The following SLC24A2 variants were observed in gnomAD, a reference collection of about 807,000 sequenced individuals.
SLC24A2 encodes solute carrier family 24 member 2.
In SLC24A2, 36 loss-of-function variants were observed where a neutral mutation model predicts 62.0. The ratio of observed to expected loss-of-function variants is 0.58; its 90% CI spans 0.44 to 0.77. The LOEUF is 0.77. Among genes scored for constraint, SLC24A2 ranks in the 30% least tolerant of loss-of-function variants. The pLI is 0.00. For synonymous variants in SLC24A2, 358 were observed against 294.0 expected, an observed-to-expected ratio of 1.22 and a Z score of -2.23; for missense variants, 846 against 817.9, an observed-to-expected ratio of 1.03 and a Z score of -0.42.
intron 2 of SLC24A2, among the ~76,000 whole-genome samples, chr9:19,654,337 C>A (rs1211182769): frequency 6.6e-6 from 1 of 152,132 alleles, no homozygotes; most frequent in Non-Finnish European, 1.5e-5. Context: ...GGCTGCCTTG[C>A]CCTTCAGCAC....
At chr9:20,097,142 A>T in the SLC24A2 span, among the ~76,000 whole-genome samples, 3 of 152,146 alleles carry the variant, frequency 2.0e-5, no homozygotes, top group Non-Finnish European at 2.9e-5. Flanking sequence ...GATTACAGCT[A>T]TGAGAATTAG....
chr9:19,776,005 G>A (rs1413159009), intron 2 of SLC24A2, among the ~76,000 whole-genome samples: 1 of 152,168 alleles, frequency 6.6e-6, no homozygotes, highest in Non-Finnish European at 1.5e-5. Flanking sequence ...TTAATAGAAT[G>A]AAAAATTTAC....
At chr9:20,106,489 G>C in the SLC24A2 span, among the ~76,000 whole-genome samples, 1 of 152,168 alleles carries the variant, frequency 6.6e-6, no homozygotes, top group African/African-American at 2.4e-5. Flanking sequence ...ACATCAAAAA[G>C]CTTATCTACC....
At chr9:19,755,237 T>C (rs930347651) in intron 2 of SLC24A2, among the ~76,000 whole-genome samples, 9 of 152,198 alleles carry the variant, frequency 5.9e-5, no homozygotes, top group Non-Finnish European at 1.2e-4. Flanking sequence ...CCTTGCCAAG[T>C]ACTTGGTCCC....
the SLC24A2 span, among the ~76,000 whole-genome samples, chr9:20,119,239 G>A: frequency 6.6e-6 from 1 of 152,040 alleles, no homozygotes; most frequent in Non-Finnish European, 1.5e-5. Flanking sequence ...CTGTAGCCTT[G>A]TGAGACTCTA....
At chr9:19,856,889 T>C in the SLC24A2 span, among the ~76,000 whole-genome samples, 1 of 152,236 alleles carries the variant, frequency 6.6e-6, no homozygotes, top group East Asian at 1.9e-4. Context: ...TCTGGACTGC[T>C]TGGCCTCTTC....
At chr9:20,298,815 A>C in the SLC24A2 span, among the ~76,000 whole-genome samples, 1 of 152,234 alleles carries the variant, frequency 6.6e-6, no homozygotes, top group African/African-American at 2.4e-5. Flanking sequence ...GGAGAGAGGT[A>C]AAAAGGTAGT....
At chr9:20,108,952 C>T in the SLC24A2 span, among the ~76,000 whole-genome samples, 5 of 152,164 alleles carry the variant, frequency 3.3e-5, no homozygotes, top group East Asian at 5.8e-4. Flanking sequence ...CATATACTGA[C>T]AGTAGTCACA....
chr9:20,225,551 C>CTTCTA, the SLC24A2 span, among the ~76,000 whole-genome samples: 1 of 57,638 alleles, frequency 1.7e-5, no homozygotes, highest in Admixed American at 1.8e-4. Context: ...ATCTTCTATA[C>CTTCTA]TATATATATT....
At chr9:20,093,809 T>G in the SLC24A2 span, among the ~76,000 whole-genome samples, 1 of 152,130 alleles carries the variant, frequency 6.6e-6, no homozygotes, top group African/African-American at 2.4e-5. Context: ...TTAAAATCAT[T>G]AAAAGTGTAT....
At chr9:20,285,176 G>A in the SLC24A2 span, among the ~76,000 whole-genome samples, 1 of 152,150 alleles carries the variant, frequency 6.6e-6, no homozygotes, top group Non-Finnish European at 1.5e-5. Context: ...ACTGAATCAT[G>A]CTGCCCTCCA....
the SLC24A2 span, among the ~76,000 whole-genome samples, chr9:20,227,535 T>TTAA: frequency 8.0e-6 from 1 of 124,630 alleles, no homozygotes; most frequent in African/African-American, 2.9e-5. Context: ...CACACATTTC[T>TTAA]AAAAAAAAAA....
the SLC24A2 span, among the ~76,000 whole-genome samples, chr9:20,259,457 G>C: frequency 6.6e-6 from 1 of 152,102 alleles, no homozygotes; most frequent in Non-Finnish European, 1.5e-5. Context: ...AAATTAGTTT[G>C]TTTTTAATAT....
At chr9:19,864,368 GA>G in the SLC24A2 span, among the ~76,000 whole-genome samples, 17 of 147,698 alleles carry the variant, frequency 1.2e-4, no homozygotes, top group East Asian at 1.6e-3. Flanking sequence ...CAAAGAACCA[GA>G]AAAAAAAACA....
intron 2 of SLC24A2, among the ~76,000 whole-genome samples, chr9:19,690,322 C>G (rs181403270): frequency 6.6e-6 from 1 of 152,088 alleles, no homozygotes; most frequent in African/African-American, 2.4e-5. Flanking sequence ...CTCGGCTTCA[C>G]GAGGATGCAT....
chr9:20,040,238 G>A, the SLC24A2 span, among the ~76,000 whole-genome samples: 1 of 152,132 alleles, frequency 6.6e-6, no homozygotes, highest in Non-Finnish European at 1.5e-5. Flanking sequence ...AGATTTTGGT[G>A]CTATTAAAAA....
chr9:19,865,093 A>G, the SLC24A2 span, among the ~76,000 whole-genome samples: 2 of 152,136 alleles, frequency 1.3e-5, no homozygotes, highest in Non-Finnish European at 2.9e-5. Context: ...AGTAGCGACA[A>G]ATGAATTAAA....
chr9:20,029,815 T>C, the SLC24A2 span, among the ~76,000 whole-genome samples: 11 of 150,510 alleles, frequency 7.3e-5, no homozygotes, highest in Middle Eastern at 3.4e-3. Flanking sequence ...TGGGTAAGTG[T>C]GTGTGTGTCT....
chr9:20,051,585 TAGTG>T, the SLC24A2 span, among the ~76,000 whole-genome samples: 2 of 149,844 alleles, frequency 1.3e-5, no homozygotes, highest in Admixed American at 6.8e-5. Context: ...AATTACCACA[TAGTG>T]AGCCATAAAT....
Sources: allele counts gnomAD v4.1 joint callset (sites outside exome capture counted in the v4.1 genomes callset), GRCh38; gene constraint gnomAD v4.1.1; transcripts MANE v1.5; gene names NCBI Gene and HGNC (gene_info 2026-07-23, HGNC 2026-07-21).